The following PTK7 variants were observed in gnomAD, a reference collection of about 807,000 sequenced individuals.
PTK7 encodes the protein protein tyrosine kinase 7 (inactive).
A neutral mutation model predicts 116.6 loss-of-function variants in PTK7; 39 were observed. The observed-to-expected ratio is 0.33, with a 90% CI of 0.26 to 0.44. PTK7 has a LOEUF of 0.44. PTK7 is among the 20% of genes least tolerant of loss of function. The probability of loss-of-function intolerance (pLI) is 1.00; values close to 1 mark genes in which losing one functional copy is unlikely to be tolerated. For synonymous variants in PTK7, 546 were observed against 563.6 expected, an observed-to-expected ratio of 0.97 and a Z score of 0.44; for missense variants, 1,169 against 1,425.6, an observed-to-expected ratio of 0.82 and a Z score of 2.90.
Position 43,145,076 on chromosome 6 carries a change from C to T in PTK7, c.2408-124C>T. ...AAGGAGGGAGGGGGTCACAGCAGAA[C>T]CGGGTCTCGTGCCCAGCCCAGGTGG... On this transcript the variant is annotated intron_variant, in intron 15 of 19. Transcript: ENST00000230419. The surrounding 1 kb of genome is among the most constrained non-coding windows in gnomAD (Gnocchi z 4.8). 1 of 767,350 alleles carries T rather than the reference C, an allele frequency of 1.3e-6. No homozygotes were observed. The highest frequency in any genetic ancestry group is 2.1e-6 in the Non-Finnish European group (1 of 481,866). The allele number at this position is 767,350 out of a possible 1,614,324, so 47.5% of individuals were successfully genotyped here. A position where few individuals can be genotyped will look rare whatever the true frequency, so the allele number is the denominator to read the frequency against.
At chr6:43,137,781 C>T (rs1770127024) in intron 7 of PTK7, among the ~76,000 whole-genome samples, 1 of 152,112 alleles carries the variant, frequency 6.6e-6, no homozygotes, top group South Asian at 2.1e-4. Flanking sequence ...ACCATTACTT[C>T]TTCTTTTTTT....
rs1770371683 is a variant in PTK7, at chr6:43,141,049, T to C, written c.1619-619T>C. The stretch of plus-strand genomic sequence containing the variant: ...CCAGCCACCCACCCACCCCCTTTTT[T>C]TTCATTGCTGCAATAAACATCTTTA... On this transcript the variant is annotated intron_variant, in intron 10 of 19. Transcript: ENST00000230419. The surrounding 1 kb of genome is among the most constrained non-coding windows in gnomAD (Gnocchi z 4.9). Among the ~76,000 whole-genome samples, 1 of 152,110 alleles carries C rather than the reference T, an allele frequency of 6.6e-6. No individual in the cohort carries two copies. The highest frequency in any genetic ancestry group is 2.4e-5 in the African/African-American group (1 of 41,376).
intron 17 of PTK7, among the ~76,000 whole-genome samples, chr6:43,148,264 A>AGGGGG (rs929053240): frequency 1.4e-5 from 2 of 140,944 alleles, no homozygotes; most frequent in African/African-American, 5.2e-5. Flanking sequence ...AAGGGAGGGG[A>AGGGGG]GGGGGGGAAA....
In PTK7 at chr6:43,161,583, G is replaced by A. The variant is rs563467542; in HGVS notation, c.*702G>A. The A allele has an allele frequency of 6.6e-6, 1 of 152,184 alleles. No individual in the cohort carries two copies. The highest frequency in any genetic ancestry group is 1.5e-5 in the Non-Finnish European group (1 of 67,994). 9.4% of individuals were successfully genotyped at this position (152,184 alleles called of 1,614,324 possible). ...TGGGTGGGCATGGGAGGTAGGGGTG[G>A]GCCCTGGAGATGAGGAGGGTGGGCC... On this transcript the variant is annotated 3_prime_UTR_variant, in exon 20 of 20. Transcript: ENST00000230419.
Position 43,143,650 on chromosome 6 carries a change from C to G in PTK7, c.2251+30C>G, listed in dbSNP as rs1237932006. The G allele has an allele frequency of 2.5e-6, 4 of 1,597,650 alleles. No individual in the cohort carries two copies. Among genetic ancestry groups the G allele is most frequent in the Non-Finnish European group, 3.4e-6 (4 of 1,173,418 alleles). On this transcript the variant is annotated intron_variant, in intron 14 of 19. Transcript: ENST00000230419. This position sits in a 1 kb window ranked among gnomAD's most constrained non-coding sequence, Gnocchi z 4.2. ...GGGGCCCTGGACGGGGAGGTGGTGC[C>G]CGTGTGCGGGAGCTGAGCGCCCTCC...
intron 18 of PTK7, 116 bp from the exon 19 acceptor site, chr6:43,159,672 G>A: frequency 9.6e-7 from 1 of 1,039,878 alleles, no homozygotes; most frequent in Non-Finnish European, 1.5e-6. Flanking sequence ...CTTGATGTCT[G>A]TATGTAGAAA....
At chr6:43,144,785 G>A (rs994193510) in intron 15 of PTK7, 179 bp downstream of exon 15, 42 of 654,280 alleles carry the variant, frequency 6.4e-5, no homozygotes, top group Non-Finnish European at 8.9e-5. Flanking sequence ...TGCCCTTCGT[G>A]CAGATTTTGT....
chr6:43,152,852 C>G (rs1361782440), intron 17 of PTK7, among the ~76,000 whole-genome samples: 1 of 151,306 alleles, frequency 6.6e-6, no homozygotes, highest in Non-Finnish European at 1.5e-5. Context: ...GTGGCAGGAC[C>G]TCGGCTCACT....
At chr6:43,093,107 A>AG (rs1330025555) in intron 1 of PTK7, among the ~76,000 whole-genome samples, 1 of 150,374 alleles carries the variant, frequency 6.7e-6, no homozygotes, top group East Asian at 2.0e-4. Context: ...TTACAAGAGG[A>AG]GGTAGGTGTC....
chr6:43,092,763 T>A (rs1207748985), intron 1 of PTK7, among the ~76,000 whole-genome samples: 2 of 152,226 alleles, frequency 1.3e-5, no homozygotes, highest in African/African-American at 4.8e-5. Context: ...GTGGAGGTTA[T>A]AACTGTGATG....
chr6:43,093,872 A>C (rs1252104568), intron 1 of PTK7, among the ~76,000 whole-genome samples: 1 of 152,186 alleles, frequency 6.6e-6, no homozygotes, highest in Non-Finnish European at 1.5e-5. Flanking sequence ...GGGATACAGA[A>C]TCTTCCTGGA....
chr6:43,076,592 CAG>C lies in PTK7; in HGVS notation c.79+28_79+29del. 6.4e-7 allele frequency: 1 copy of C among 1,566,914 alleles called. No individual in the cohort carries two copies. The highest frequency in any genetic ancestry group is 1.2e-5 in the South Asian group (1 of 84,944). ...GGTGAGTACCCGAGAGTTGGGGGCA[CAG>C]AGCTTGGGAAGCGCGGGAGTCCCGT... On this transcript the variant is annotated intron_variant, in intron 1 of 19. Transcript: ENST00000230419. This position sits in a 1 kb window ranked among gnomAD's most constrained non-coding sequence, Gnocchi z 5.7.
At chr6:43,111,503 G>A (rs1216312678) in intron 1 of PTK7, among the ~76,000 whole-genome samples, 1 of 152,110 alleles carries the variant, frequency 6.6e-6, no homozygotes, top group Non-Finnish European at 1.5e-5. Context: ...TCTAAAAAAT[G>A]AAAAAATCCT....
rs1770270824 is a variant in PTK7 at position 43,139,657 on chromosome 6, A to G, written c.1618+132A>G. 1.4e-6 allele frequency: 2 copies of G among 1,396,500 alleles called. No homozygotes were observed. Among genetic ancestry groups the G allele is most frequent in the Non-Finnish European group, 1.9e-6 (2 of 1,039,872 alleles). 86.5% of individuals were successfully genotyped at this position (1,396,500 alleles called of 1,614,324 possible). On this transcript the variant is annotated intron_variant, in intron 10 of 19. Coordinates refer to ENST00000230419, the MANE Select transcript of PTK7 (RefSeq NM_002821.5). The surrounding 1 kb of genome is among the most constrained non-coding windows in gnomAD (Gnocchi z 4.6). ...TAGACAAGCAGTGCAGGGCTGATGT[A>G]TAGTTTAGTTAGGAAGGAAAAAGCC...
rs756393091 is a variant in PTK7 at position 43,141,637 on chromosome 6, T to A, written c.1619-31T>A. 3.9e-5 allele frequency: 63 copies of A among 1,608,868 alleles called. No individual in the cohort carries two copies. Among genetic ancestry groups the A allele is most frequent in the Non-Finnish European group, 5.0e-5 (59 of 1,176,448 alleles). On this transcript the variant is annotated intron_variant, in intron 10 of 19. Coordinates refer to ENST00000230419, the MANE Select transcript of PTK7 (RefSeq NM_002821.5). This position sits in a 1 kb window ranked among gnomAD's most constrained non-coding sequence, Gnocchi z 4.9. ...CCAGCTGTCTGTGTAACCCTGATCC[T>A]TCCCATAATTTCCCTTTGTTACCCC...
chr6:43,118,861 C>G lies in PTK7; in HGVS notation c.80-10116C>G, dbSNP rs543234716. ...TTGGCTCACTGCAACCTCCACCTCCCGGGTTCAAGCCATCCTCTCACTTCA... is the reference window on the plus strand; with the variant it reads ...TTGGCTCACTGCAACCTCCACCTCCGGGGTTCAAGCCATCCTCTCACTTCA... On this transcript the variant is annotated intron_variant, in intron 1 of 19. Coordinates refer to ENST00000230419, the MANE Select transcript of PTK7 (RefSeq NM_002821.5). Among the ~76,000 whole-genome samples the G allele has an allele frequency of 4.4e-3, 663 of 150,282 alleles. 8 individuals carry two copies. The highest frequency in any genetic ancestry group is 5.4e-3 in the Non-Finnish European group (368 of 67,628).
In PTK7 at chr6:43,127,801, C is replaced by T. The variant is rs1343529930; in HGVS notation, c.80-1176C>T. Among the ~76,000 whole-genome samples, 3 of 152,276 alleles carry T rather than the reference C, an allele frequency of 2.0e-5. No homozygotes were observed. The East Asian group carries it at 5.8e-4, about 29-fold the overall frequency. ...AAAATTAGCCAGGCGTGGTGGCGGG[C>T]ACCTGTAGTCCCAGCTACTCGGGAG... On this transcript the variant is annotated intron_variant, in intron 1 of 19. Transcript: ENST00000230419.
At chr6:43,079,338 G>T (rs1012212256) in intron 1 of PTK7, among the ~76,000 whole-genome samples, 1 of 152,108 alleles carries the variant, frequency 6.6e-6, no homozygotes, top group Non-Finnish European at 1.5e-5. Flanking sequence ...GTGGTGGCGG[G>T]TGCCCGTAGT....
intron 7 of PTK7, among the ~76,000 whole-genome samples, chr6:43,137,085 G>T (rs1770085793): frequency 6.6e-6 from 1 of 152,196 alleles, no homozygotes; most frequent in South Asian, 2.1e-4. Context: ...GGGATGGGAG[G>T]ATTGTTTATA....
Sources: allele counts gnomAD v4.1 joint callset (sites outside exome capture counted in the v4.1 genomes callset), GRCh38; gene constraint gnomAD v4.1.1; non-coding constraint Gnocchi (gnomAD v3.1); transcripts MANE v1.5; gene names NCBI Gene and HGNC (gene_info 2026-07-23, HGNC 2026-07-21).